The following VPS37A variants were observed in gnomAD, a reference collection of about 807,000 sequenced individuals.
VPS37A encodes the protein vacuolar protein sorting-associated protein 37A.
A neutral mutation model predicts 49.8 loss-of-function variants in VPS37A; 30 were observed. The ratio of observed to expected loss-of-function variants is 0.60; its 90% CI spans 0.45 to 0.82. The LOEUF is 0.82. Among genes scored for constraint, VPS37A ranks in the 40% least tolerant of loss-of-function variants. VPS37A has a pLI of 0.00. For missense variants in VPS37A, 593 were observed against 464.4 expected (o/e 1.28, Z -2.55); for synonymous variants, 195 against 160.6 (o/e 1.21, Z -1.62).
intron 11 of VPS37A, among the ~76,000 whole-genome samples, chr8:17,290,981 G>C (rs1316283631): frequency 6.6e-6 from 1 of 152,024 alleles, no homozygotes; most frequent in Non-Finnish European, 1.5e-5. Context: ...CTGATGGTAG[G>C]TTGTATTTCT....
At chr8:17,288,488 G>A (rs915565883) in intron 11 of VPS37A, among the ~76,000 whole-genome samples, 4 of 152,080 alleles carry the variant, frequency 2.6e-5, no homozygotes, top group Admixed American at 6.5e-5. Context: ...TTCTGTTCCC[G>A]TGTTAGTTTC....
At chr8:17,332,847 T>C in the VPS37A span, among the ~76,000 whole-genome samples, 3 of 152,182 alleles carry the variant, frequency 2.0e-5, no homozygotes, top group African/African-American at 7.2e-5. Flanking sequence ...TTTGCGTGTT[T>C]ATCAAGCAGA....
chr8:17,304,134 T>G (rs1028634156), downstream of VPS37A, among the ~76,000 whole-genome samples: 1 of 152,200 alleles, frequency 6.6e-6, no homozygotes, highest in Non-Finnish European at 1.5e-5. Flanking sequence ...GAACTTAACC[T>G]TTTTATGATA....
At chr8:17,279,164 A>C (rs1232314017) in intron 6 of VPS37A, among the ~76,000 whole-genome samples, 1 of 152,138 alleles carries the variant, frequency 6.6e-6, no homozygotes, top group Non-Finnish European at 1.5e-5. Context: ...AGTTGTTGTG[A>C]CTGCTTATGT....
At chr8:17,299,715 TG>T, downstream of VPS37A, 1 of 1,065,140 alleles carries the variant, frequency 9.4e-7, no homozygotes, top group Non-Finnish European at 1.3e-6. Flanking sequence ...AATCAAGAAC[TG>T]GGCACTTTTT....
chr8:17,266,029 T>C, intron 2 of VPS37A, 48 bp downstream of exon 2: 1 of 1,493,796 alleles, frequency 6.7e-7, no homozygotes, highest in Non-Finnish European at 9.1e-7. Context: ...ACTTAACAGT[T>C]TTTTTATTGT....
chr8:17,271,121 T>C (rs756719118), intron 4 of VPS37A, among the ~76,000 whole-genome samples: 2 of 152,214 alleles, frequency 1.3e-5, no homozygotes, highest in Admixed American at 1.3e-4. Context: ...TGATTCTTCA[T>C]AGAGTAATTT....
intron 1 of VPS37A, among the ~76,000 whole-genome samples, chr8:17,251,183 C>T (rs1209753309): frequency 6.6e-6 from 1 of 152,124 alleles, no homozygotes; most frequent in East Asian, 1.9e-4. Context: ...TCACCCTTCC[C>T]CCCAAGTTAC....
intron 1 of VPS37A, among the ~76,000 whole-genome samples, chr8:17,251,490 C>T (rs1368901574): frequency 6.6e-6 from 1 of 152,190 alleles, no homozygotes; most frequent in African/African-American, 2.4e-5. Context: ...TGCATAGAAT[C>T]AGTGTGCTTG....
the VPS37A span, among the ~76,000 whole-genome samples, chr8:17,329,383 A>G: frequency 2.0e-5 from 3 of 152,232 alleles, no homozygotes; most frequent in Non-Finnish European, 1.5e-5. Context: ...GTAGCTGGAA[A>G]AGTTACGTGC....
At position 17,274,867 on chromosome 8, in the gene VPS37A, C is replaced by G. The variant is rs1339532315; in HGVS notation, c.551C>G (p.Thr184Arg). ...GCTGACACTGTTTCTTCTTCAACAA[C>G]AAGTCATACCACAGCCAAGCCTGCC... ...SVADTVSSST[T>R]SHTTAKPAAP... The change falls in exon 5 of 12, where the codon ACA becomes AGA. Residue 184 changes from threonine to arginine, a missense_variant. By Grantham distance (71) the Thr-to-Arg change is moderately conservative (BLOSUM62 -1). Coordinates refer to ENST00000324849, the MANE Select transcript of VPS37A (RefSeq NM_152415.3). The G allele has an allele frequency of 6.2e-7, 1 of 1,614,010 alleles. No individual in the cohort carries two copies. Among genetic ancestry groups the G allele is most frequent in the African/African-American group, 1.3e-5 (1 of 74,910 alleles).
chr8:17,274,186 G>A (rs752483375), intron 4 of VPS37A, among the ~76,000 whole-genome samples: 2 of 152,342 alleles, frequency 1.3e-5, no homozygotes, highest in South Asian at 4.1e-4. Context: ...ACATAATGCT[G>A]TGTGACTCTA....
At chr8:17,274,681 A>T in intron 4 of VPS37A, 52 bp from the exon 5 acceptor site, 1 of 1,439,048 alleles carries the variant, frequency 6.9e-7, no homozygotes, top group African/African-American at 1.4e-5. Flanking sequence ...AAACAATTTG[A>T]CATGTTTTAT....
the VPS37A span, among the ~76,000 whole-genome samples, chr8:17,320,736 A>G: frequency 6.6e-6 from 1 of 152,188 alleles, no homozygotes; most frequent in Non-Finnish European, 1.5e-5. Flanking sequence ...CAGCAATACC[A>G]GACAGGCCCT....
At chr8:17,308,653 A>G in the VPS37A span, among the ~76,000 whole-genome samples, 1 of 152,246 alleles carries the variant, frequency 6.6e-6, no homozygotes, top group African/African-American at 2.4e-5. Context: ...AGAGAACACC[A>G]GAACACAATA....
At chr8:17,269,228 A>G (rs1813757543) in intron 4 of VPS37A, among the ~76,000 whole-genome samples, 1 of 152,132 alleles carries the variant, frequency 6.6e-6, no homozygotes, top group Non-Finnish European at 1.5e-5. Context: ...ATAGATGAAG[A>G]TTTCAGCTGT....
chr8:17,248,819 G>A (rs1811710932), intron 1 of VPS37A, among the ~76,000 whole-genome samples: 1 of 152,100 alleles, frequency 6.6e-6, no homozygotes, highest in African/African-American at 2.4e-5. Context: ...ATTTTATGCT[G>A]TTTAACAGAA....
Position 17,274,827 on chromosome 8 carries a change from A to T in VPS37A, c.511A>T (p.Thr171Ser). 6.2e-7 allele frequency: 1 copy of T among 1,614,120 alleles called. No individual in the cohort carries two copies. Among genetic ancestry groups the T allele is most frequent in the South Asian group, 1.1e-5 (1 of 91,084 alleles). Residue 171 changes from threonine (T) to serine (S), a missense_variant, in exon 5 of 12, where the codon ACT (threonine) becomes TCT (serine). By Grantham distance (58) the Thr-to-Ser change is moderately conservative (BLOSUM62 1). Coordinates refer to ENST00000324849, the MANE Select transcript of VPS37A (RefSeq NM_152415.3). ...TCCACAAGAAGCAAACAGGAGTATC[A>T]CTTCTTTATCTGTTGCTGACACTGT... ...YPPQEANRSI[T>S]SLSVADTVSS...
At chr8:17,330,641 C>T in the VPS37A span, among the ~76,000 whole-genome samples, 2 of 152,144 alleles carry the variant, frequency 1.3e-5, no homozygotes, top group East Asian at 3.9e-4. Flanking sequence ...GTCATGTTCG[C>T]CATATATGTC....
Sources: gnomAD v4.1 joint callset for allele counts (sites outside exome capture counted in the v4.1 genomes callset) on GRCh38, gnomAD v4.1.1 for gene constraint, MANE v1.5 for transcripts, NCBI Gene and HGNC (gene_info 2026-07-23, HGNC 2026-07-21) for gene names.